Variants in PDZRN4 observed in about 807,000 individuals in gnomAD.
PDZRN4 encodes the protein PDZ domain-containing RING finger protein 4.
Under a neutral mutation model 99.0 loss-of-function variants are expected in PDZRN4, and 70 were observed. The ratio of observed to expected loss-of-function variants is 0.71; its 90% CI spans 0.58 to 0.86. The LOEUF is 0.86. Ranked by LOEUF, PDZRN4 falls within the 40% of genes least tolerant of loss-of-function variation. PDZRN4 has a pLI of 0.00. For synonymous variants in PDZRN4, 551 were observed against 501.6 expected (o/e 1.10, Z -1.32); for missense variants, 1,474 against 1,331.2 (o/e 1.11, Z -1.67).
chr12:41,222,607 C>T (rs1950964482), intron 3 of PDZRN4, among the ~76,000 whole-genome samples: 1 of 152,128 alleles, frequency 6.6e-6, no homozygotes, highest in African/African-American at 2.4e-5. Context: ...CAACCTCCAC[C>T]TCCCGGGTTG....
At chr12:41,568,283 T>C (rs1939414128) in intron 9 of PDZRN4, among the ~76,000 whole-genome samples, 2 of 152,174 alleles carry the variant, frequency 1.3e-5, no homozygotes, top group Admixed American at 6.5e-5. Context: ...AATATTAATG[T>C]ATCTATTTGA....
intron 3 of PDZRN4, among the ~76,000 whole-genome samples, chr12:41,475,462 G>A (rs1046463946): frequency 2.0e-5 from 3 of 152,098 alleles, no homozygotes; most frequent in Non-Finnish European, 2.9e-5. Context: ...TGCTTTCATG[G>A]CATTAATTAT....
intron 3 of PDZRN4, among the ~76,000 whole-genome samples, chr12:41,377,968 T>C (rs756519023): frequency 3.9e-5 from 6 of 152,200 alleles, no homozygotes; most frequent in Non-Finnish European, 8.8e-5. Context: ...TTGGATGCCA[T>C]GTATTTCTTC....
intron 5 of PDZRN4, among the ~76,000 whole-genome samples, chr12:41,537,032 C>T (rs1938760472): frequency 1.3e-5 from 2 of 152,048 alleles, no homozygotes; most frequent in South Asian, 2.1e-4. Context: ...ACTCTTAAGC[C>T]GTCTTTCATA....
rs1952020729 is a variant in PDZRN4, at chr12:41,368,866, G to T, written c.844-137590G>T. ...TGGCTGCTCTCAATGAAAATGTAAA[G>T]CTCTGGCTGCACGTTTCTTATGGGT... On this transcript the variant is annotated intron_variant, in intron 3 of 9. Transcript: ENST00000402685. Among the ~76,000 whole-genome samples, 2 of 152,190 alleles carry T rather than the reference G, an allele frequency of 1.3e-5. 1 individual carries two copies. The highest frequency in any genetic ancestry group is 4.1e-4 in the South Asian group (2 of 4,826).
At chr12:41,442,833 A>T (rs1036157892) in intron 3 of PDZRN4, among the ~76,000 whole-genome samples, 3 of 152,092 alleles carry the variant, frequency 2.0e-5, no homozygotes, top group African/African-American at 7.2e-5. Flanking sequence ...AATCAGAGAC[A>T]TCTAAGAAAT....
At chr12:41,447,500 G>A (rs1952739298) in intron 3 of PDZRN4, among the ~76,000 whole-genome samples, 1 of 152,090 alleles carries the variant, frequency 6.6e-6, no homozygotes, top group African/African-American at 2.4e-5. Flanking sequence ...ACTTCATTGA[G>A]CCTCTGTTTA....
intron 3 of PDZRN4, among the ~76,000 whole-genome samples, chr12:41,383,822 A>G (rs142487208): frequency 2.0e-5 from 3 of 152,282 alleles, no homozygotes; most frequent in African/African-American, 7.2e-5. Context: ...AAAAGTATTG[A>G]GGATATATGG....
chr12:41,549,206 A>T (rs1939013096), intron 5 of PDZRN4, among the ~76,000 whole-genome samples: 1 of 152,142 alleles, frequency 6.6e-6, no homozygotes, highest in South Asian at 2.1e-4. Flanking sequence ...TATGTGTTTC[A>T]TCAAACAGCT....
intron 3 of PDZRN4, among the ~76,000 whole-genome samples, chr12:41,478,875 A>G (rs969397648): frequency 2.6e-5 from 4 of 152,162 alleles, no homozygotes; most frequent in African/African-American, 9.7e-5. Flanking sequence ...AAACCATATT[A>G]CTTCAGAAAC....
At chr12:41,351,330 T>C (rs1328462251) in intron 3 of PDZRN4, among the ~76,000 whole-genome samples, 1 of 152,066 alleles carries the variant, frequency 6.6e-6, no homozygotes, top group Non-Finnish European at 1.5e-5. Flanking sequence ...GCTTCTTCTG[T>C]AAAGAGTTTG....
At chr12:41,305,708 T>C (rs1210115703) in intron 3 of PDZRN4, among the ~76,000 whole-genome samples, 1 of 152,210 alleles carries the variant, frequency 6.6e-6, no homozygotes, top group Admixed American at 6.5e-5. Context: ...GTCTTCAGCA[T>C]ACACATTTGT....
chr12:41,358,254 T>C (rs1399898076), intron 3 of PDZRN4, among the ~76,000 whole-genome samples: 1 of 151,968 alleles, frequency 6.6e-6, no homozygotes, highest in Non-Finnish European at 1.5e-5. Context: ...CCACCCCAAC[T>C]AGTTATGTAT....
At chr12:41,367,012 T>G (rs1409375733) in intron 3 of PDZRN4, among the ~76,000 whole-genome samples, 1 of 152,002 alleles carries the variant, frequency 6.6e-6, no homozygotes, top group Non-Finnish European at 1.5e-5. Flanking sequence ...TACGGGGAGC[T>G]GTTTGAGCCC....
At chr12:41,544,378 T>C (rs971265791) in intron 5 of PDZRN4, among the ~76,000 whole-genome samples, 1 of 152,218 alleles carries the variant, frequency 6.6e-6, no homozygotes, top group Admixed American at 6.5e-5. Context: ...GCTGTACAAA[T>C]ATAGCAAAAG....
In PDZRN4 at chr12:41,206,508, T is replaced by C. The variant is rs138705770; in HGVS notation, c.843+12320T>C. On this transcript the variant is annotated intron_variant, in intron 3 of 9. Transcript: ENST00000402685. ...GTACCATATTAATAAATTATTAAGCTTAATTATTTATTAATTAAGCTTAAT... is the reference window on the plus strand; with the variant it reads ...GTACCATATTAATAAATTATTAAGCCTAATTATTTATTAATTAAGCTTAAT... 2.3e-3 allele frequency among the ~76,000 whole-genome samples: 345 copies of C among 151,498 alleles called. 6 individuals carry two copies. The East Asian group carries it at 0.028, about 12-fold the overall frequency.
At chr12:41,527,353 G>A (rs1403269076) in intron 5 of PDZRN4, among the ~76,000 whole-genome samples, 4 of 152,148 alleles carry the variant, frequency 2.6e-5, no homozygotes, top group South Asian at 4.1e-4. Flanking sequence ...GAGAAACTTG[G>A]ACTTTACGCT....
intron 3 of PDZRN4, among the ~76,000 whole-genome samples, chr12:41,297,611 T>A (rs1030257589): frequency 6.6e-6 from 1 of 152,190 alleles, no homozygotes; most frequent in Non-Finnish European, 1.5e-5. Flanking sequence ...TGAAAAATGG[T>A]TCGTTAAGAT....
chr12:41,551,821 T>G lies in PDZRN4; in HGVS notation c.1204-835T>G, dbSNP rs12310649. ...GTTTTAATCCTTGGAAATATGTAAT[T>G]TATCCTGAAGTCATCGGCTTCTGAA... On this transcript the variant is annotated intron_variant, in intron 5 of 9. Coordinates refer to ENST00000402685, the MANE Select transcript of PDZRN4 (RefSeq NM_001164595.2). Among the ~76,000 whole-genome samples, 777 of 152,348 alleles carry G rather than the reference T, an allele frequency of 5.1e-3. 10 individuals are homozygous for G. The highest frequency in any genetic ancestry group is 0.018 in the African/African-American group (742 of 41,584).
Sources: allele counts gnomAD v4.1 joint callset (sites outside exome capture counted in the v4.1 genomes callset), GRCh38; gene constraint gnomAD v4.1.1; transcripts MANE v1.5; gene names NCBI Gene and HGNC (gene_info 2026-07-23, HGNC 2026-07-21).